The following FOXL3 variants were observed in gnomAD, a reference collection of about 807,000 sequenced individuals.
The protein encoded by FOXL3 is forkhead box protein L3.
In FOXL3, 16 loss-of-function variants were observed where a neutral mutation model predicts 10.9. The observed-to-expected ratio is 1.46, with a 90% CI of 0.99 to 2.22. FOXL3 has a LOEUF of 2.22. Among genes scored for constraint, FOXL3 ranks in the 30% most tolerant of loss-of-function variants. FOXL3 has a pLI of 0.00. For synonymous variants in FOXL3, 170 were observed against 152.0 expected (o/e 1.12, Z -0.87); for missense variants, 400 against 337.9 (o/e 1.18, Z -1.44).
intron 2 of FOXL3, 97 bp downstream of exon 2, chr7:290,918 A>C (rs4077172): frequency 1.6e-4 from 209 of 1,302,718 alleles, no homozygotes; most frequent in Non-Finnish European, 2.0e-4. Context: ...CGGCGGCTTC[A>C]GGGAGGTCCG....
intron 1 of FOXL3, 106 bp downstream of exon 1, chr7:290,382 C>A: frequency 2.1e-6 from 2 of 962,770 alleles, no homozygotes; most frequent in Non-Finnish European, 3.2e-6. Context: ...GGGGAGCTTT[C>A]TTCTCTCCGG....
Position 290,234 on chromosome 7 carries a change from G to T in FOXL3, c.65G>T (p.Gly22Val). 1 of 1,535,982 alleles carries T rather than the reference G, an allele frequency of 6.5e-7. No homozygotes were observed. Among genetic ancestry groups the T allele is most frequent in the Non-Finnish European group, 8.7e-7 (1 of 1,146,794 alleles). ...TACGACGCCGACGACTACCCCGCCG[G>T]CAGCTCCGACGAAGACAAGAGGCTC... ...FNYDADDYPA[G>V]SSDEDKRLTR... The change falls in exon 1 of 3, where the codon GGC becomes GTC. Residue 22 changes from glycine to valine, a missense_variant. Transcript: ENST00000506382.
At position 290,764 on chromosome 7, in the gene FOXL3, G is replaced by C. The variant is rs1010132581; in HGVS notation, c.219G>C (p.Gln73His). ...MRKFPYYRANQRAWQNSIRHN... is the reference protein window; with the variant it reads ...MRKFPYYRANHRAWQNSIRHN... ...AATTCCCCTATTACCGCGCCAACCAGCGCGCCTGGCAGAACTCCATCCGCC... is the reference window on the plus strand; with the variant it reads ...AATTCCCCTATTACCGCGCCAACCACCGCGCCTGGCAGAACTCCATCCGCC... The change falls in exon 2 of 3, where the codon CAG (glutamine) becomes CAC (histidine). Residue 73 changes from glutamine (Q) to histidine (H), a missense_variant. By Grantham distance (24) the Gln-to-His change is conservative. Coordinates refer to ENST00000506382, the MANE Select transcript of FOXL3 (RefSeq NM_001374838.1). 6.0e-6 allele frequency: 9 copies of C among 1,492,186 alleles called. No homozygotes were observed. The highest frequency in any genetic ancestry group is 1.7e-4 in the Middle Eastern group (1 of 5,794). 92.4% of individuals were successfully genotyped at this position (1,492,186 alleles called of 1,614,324 possible).
chr7:290,227 C>A lies in FOXL3; in HGVS notation c.58C>A (p.Pro20Thr), dbSNP rs920693899. ...NCFNYDADDY[P>T]AGSSDEDKRL... ...CTTCAATTACGACGCCGACGACTAC[C>A]CCGCCGGCAGCTCCGACGAAGACAA... Residue 20 changes from proline to threonine, a missense_variant, in exon 1 of 3, where the codon CCC (proline) becomes ACC (threonine). Pro to Thr is a conservative substitution (Grantham distance 38). Transcript: ENST00000506382. 1.3e-6 allele frequency: 2 copies of A among 1,535,882 alleles called. No homozygotes were observed. The highest frequency in any genetic ancestry group is 2.7e-5 in the African/African-American group (2 of 73,056).
In FOXL3 at chr7:290,756, G is replaced by A; in HGVS notation, c.211G>A (p.Ala71Thr). The A allele has an allele frequency of 2.0e-6, 3 of 1,491,746 alleles. No homozygotes were observed. Among genetic ancestry groups the A allele is most frequent in the South Asian group, 1.4e-5 (1 of 73,198 alleles). The allele number at this position is 1,491,746 out of a possible 1,614,324, so 92.4% of individuals were successfully genotyped here. ...FIMRKFPYYR[A>T]NQRAWQNSIR... ...CATGCGCAAATTCCCCTATTACCGC[G>A]CCAACCAGCGCGCCTGGCAGAACTC... Residue 71 changes from alanine to threonine, a missense_variant, in exon 2 of 3, where the codon GCC (alanine) becomes ACC (threonine). By Grantham distance (58) the Ala-to-Thr change is moderately conservative. Transcript: ENST00000506382.
intron 1 of FOXL3, 24 bp downstream of exon 1, chr7:290,300 G>A (rs141016966): frequency 6.6e-7 from 1 of 1,515,704 alleles, no homozygotes; most frequent in African/African-American, 1.4e-5. Flanking sequence ...CGGTGCTGGG[G>A]CTTTGGGGGA....
At chr7:291,482 AATGTG>A (rs1170996330) in exon 3 of FOXL3, 14 of 1,234,404 alleles carry the variant, frequency 1.1e-5, no homozygotes, top group Non-Finnish European at 1.4e-5. Flanking sequence ...ACTTTTGGAC[AATGTG>A]ATGTGGAGCC....
At position 291,211 on chromosome 7, in the gene FOXL3, C is replaced by G; in HGVS notation, c.425C>G (p.Pro142Arg). The stretch of plus-strand genomic sequence containing the variant: ...CCCAAGCGCGAGGGGCCGAGGGGTC[C>G]GCGCGCGGGGGGCGCCCAGGGGCCG... ...RGPKREGPRGPRAGGAQGPSG... is the reference protein window; with the variant it reads ...RGPKREGPRGRRAGGAQGPSG... Residue 142 changes from proline (P) to arginine (R), a missense_variant, in exon 3 of 3, where the codon CCG becomes CGG. Transcript: ENST00000506382. The G allele has an allele frequency of 8.5e-7, 1 of 1,170,430 alleles. No homozygotes were observed. The allele number at this position is 1,170,430 out of a possible 1,614,324, so 72.5% of individuals were successfully genotyped here.
At chr7:291,034 G>T in intron 2 of FOXL3, 29 bp from the exon 3 acceptor site, 1 of 1,358,162 alleles carries the variant, frequency 7.4e-7, no homozygotes, top group Non-Finnish European at 9.4e-7. Context: ...CAGCGGAGCC[G>T]CTCCCAGCCC....
At chr7:290,606 C>T in intron 1 of FOXL3, 47 bp from the exon 2 acceptor site, 1 of 1,407,474 alleles carries the variant, frequency 7.1e-7, no homozygotes, top group Non-Finnish European at 9.2e-7. Context: ...GGGGGAAGGA[C>T]GGGGGGCTGC....
intron 1 of FOXL3, 73 bp from the exon 2 acceptor site, chr7:290,580 G>T (rs1778619519): frequency 7.4e-7 from 1 of 1,353,130 alleles, no homozygotes; most frequent in South Asian, 1.6e-5. Context: ...TGCGCCCCAC[G>T]GCGTCCTGCG....
chr7:290,714 G>C lies in FOXL3; in HGVS notation c.169G>C (p.Gly57Arg). ...CCCCGCGGGGAGGGTGACCCTGTCC[G>C]GCATCTACGACTTCATCATGCGCAA... ...QSPAGRVTLS[G>R]IYDFIMRKFP... The change falls in exon 2 of 3, where the codon GGC becomes CGC. Residue 57 changes from glycine to arginine, a missense_variant. Gly to Arg is a moderately radical substitution (Grantham distance 125). Transcript: ENST00000506382. 1.4e-6 allele frequency: 2 copies of C among 1,479,174 alleles called. No individual in the cohort carries two copies. The highest frequency in any genetic ancestry group is 1.8e-6 in the Non-Finnish European group (2 of 1,121,878). The allele number at this position is 1,479,174 out of a possible 1,614,324, so 91.6% of individuals were successfully genotyped here. A position where few individuals can be genotyped will look rare whatever the true frequency, so the allele number is the denominator to read the frequency against.
In FOXL3 at chr7:291,075, G is replaced by C; in HGVS notation, c.289G>C (p.Glu97Gln). The C allele has an allele frequency of 7.1e-7, 1 of 1,413,886 alleles. No homozygotes were observed. The highest frequency in any genetic ancestry group is 9.2e-7 in the Non-Finnish European group (1 of 1,085,308). 87.6% of individuals were successfully genotyped at this position (1,413,886 alleles called of 1,614,324 possible). ...TCCGCGCGCGCAGGTGCCGCGGTCC[G>C]AGGGCCACGAGAAGGGCAAAGGCAA... ...NSCFVKVPRS[E>Q]GHEKGKGNYW... Residue 97 changes from glutamate (E) to glutamine (Q), a missense_variant, in exon 3 of 3, where the codon GAG (glutamate) becomes CAG (glutamine). Coordinates refer to ENST00000506382, the MANE Select transcript of FOXL3 (RefSeq NM_001374838.1).
At position 290,713 on chromosome 7, in the gene FOXL3, C is replaced by T. The variant is rs1315357704; in HGVS notation, c.168C>T (p.Ser56=). The change falls in exon 2 of 3, where the codon TCC becomes TCT. Residue 56 remains serine (S), a synonymous_variant. Transcript: ENST00000506382. ...GCCCCGCGGGGAGGGTGACCCTGTC[C>T]GGCATCTACGACTTCATCATGCGCA... ...QQSPAGRVTL[S]GIYDFIMRKF... 15 of 1,475,742 alleles carry T rather than the reference C, an allele frequency of 1.0e-5. 1 individual carries two copies. In the African/African-American group the frequency reaches 1.6e-4, roughly 15 times the overall value. The allele number at this position is 1,475,742 out of a possible 1,614,324, so 91.4% of individuals were successfully genotyped here. A position where few individuals can be genotyped will look rare whatever the true frequency, so the allele number is the denominator to read the frequency against.
At position 290,218 on chromosome 7, in the gene FOXL3, G is replaced by C; in HGVS notation, c.49G>C (p.Asp17His). The change falls in exon 1 of 3, where the codon GAC becomes CAC. Residue 17 changes from aspartate to histidine, a missense_variant. Asp to His is a moderately conservative substitution (Grantham distance 81). Transcript: ENST00000506382. Reference sequence around the variant, plus strand: ...CTACAACTGCTTCAATTACGACGCCGACGACTACCCCGCCGGCAGCTCCGA... The same window carrying C: ...CTACAACTGCTTCAATTACGACGCCCACGACTACCCCGCCGGCAGCTCCGA... ...YPYNCFNYDA[D>H]DYPAGSSDED... The C allele has an allele frequency of 1.3e-6, 2 of 1,535,994 alleles. No homozygotes were observed. The highest frequency in any genetic ancestry group is 8.7e-7 in the Non-Finnish European group (1 of 1,146,794).
At position 290,290 on chromosome 7, in the gene FOXL3, C is replaced by T. The variant is rs1255399811; in HGVS notation, c.107+14C>T. The T allele has an allele frequency of 6.5e-7, 1 of 1,529,292 alleles. No individual in the cohort carries two copies. The highest frequency in any genetic ancestry group is 1.2e-5 in the South Asian group (1 of 83,894). The allele number at this position is 1,529,292 out of a possible 1,614,324, so 94.7% of individuals were successfully genotyped here. A position where few individuals can be genotyped will look rare whatever the true frequency, so the allele number is the denominator to read the frequency against. On this transcript the variant is annotated intron_variant, in intron 1 of 2. Coordinates refer to ENST00000506382, the MANE Select transcript of FOXL3 (RefSeq NM_001374838.1). ...GCCCGCGTACAGGTGACTGCGGGGG[C>T]GGTGCTGGGGCTTTGGGGGACAGTG...
chr7:291,314 GC>G lies in FOXL3; in HGVS notation c.534del (p.Ala179ProfsTer?). 9 of 1,256,890 alleles carry G rather than the reference GC, an allele frequency of 7.2e-6. No homozygotes were observed. The highest frequency in any genetic ancestry group is 6.3e-5 in the South Asian group (2 of 31,662). The allele number at this position is 1,256,890 out of a possible 1,614,324, so 77.9% of individuals were successfully genotyped here. ...SAGEGAPGRE[P>X]PASPAPPGKE... ...CTGGCGAGGGCGCCCCGGGCCGTGA[GC>G]CCCCCGCCAGCCCCGCTCCCCCGGG... is the stretch of plus-strand genomic sequence containing the variant. On this transcript the variant is annotated frameshift_variant, in exon 3 of 3. Transcript: ENST00000506382. LOFTEE classifies it low-confidence loss of function (END_TRUNC).
chr7:290,703 T>C lies in FOXL3; in HGVS notation c.158T>C (p.Val53Ala). Residue 53 changes from valine to alanine, a missense_variant, in exon 2 of 3, where the codon GTG becomes GCG. Physicochemically the swap from Val to Ala is moderately conservative, Grantham distance 64. Coordinates refer to ENST00000506382, the MANE Select transcript of FOXL3 (RefSeq NM_001374838.1). ...ATTCAGCAGAGCCCCGCGGGGAGGG[T>C]GACCCTGTCCGGCATCTACGACTTC... Reference protein sequence around the residue: ...MAIQQSPAGRVTLSGIYDFIM... With the variant: ...MAIQQSPAGRATLSGIYDFIM... 6.8e-7 allele frequency: 1 copy of C among 1,466,194 alleles called. No homozygotes were observed. The highest frequency in any genetic ancestry group is 1.4e-5 in the South Asian group (1 of 69,688). The allele number at this position is 1,466,194 out of a possible 1,614,324, so 90.8% of individuals were successfully genotyped here. A position where few individuals can be genotyped will look rare whatever the true frequency, so the allele number is the denominator to read the frequency against.
Position 291,391 on chromosome 7 carries a change from C to T in FOXL3, c.605C>T (p.Ser202Phe). ...TTCAGCATCGACTACATCCTGTCCT[C>T]CCCAGACCCCTTCCCTGGGCTCAAG... ...LKFSIDYILS[S>F]PDPFPGLKPP... Residue 202 changes from serine to phenylalanine, a missense_variant, in exon 3 of 3, where the codon TCC becomes TTC. Coordinates refer to ENST00000506382, the MANE Select transcript of FOXL3 (RefSeq NM_001374838.1). 7.8e-7 allele frequency: 1 copy of T among 1,288,906 alleles called. No individual in the cohort carries two copies. Among genetic ancestry groups the T allele is most frequent in the South Asian group, 2.5e-5 (1 of 39,722 alleles). The allele number at this position is 1,288,906 out of a possible 1,614,324, so 79.8% of individuals were successfully genotyped here.
Sources: allele counts gnomAD v4.1 joint callset, GRCh38; gene constraint gnomAD v4.1.1; transcripts MANE v1.5; gene names NCBI Gene and HGNC (gene_info 2026-07-23, HGNC 2026-07-21).